Variants in DPP10 observed in about 807,000 individuals in gnomAD.
DPP10 encodes inactive dipeptidyl peptidase 10.
Under a neutral mutation model 120.9 loss-of-function variants are expected in DPP10, and 33 were observed. That is an observed-to-expected ratio of 0.27 (90% CI 0.21 to 0.37). DPP10 has a LOEUF of 0.37. Among genes scored for constraint, DPP10 ranks in the 10% least tolerant of loss-of-function variants. DPP10 has a pLI of 1.00. For synonymous variants in DPP10, 337 were observed against 326.1 expected, an observed-to-expected ratio of 1.03 and a Z score of -0.36; for missense variants, 816 against 942.8, an observed-to-expected ratio of 0.87 and a Z score of 1.76.
chr2:114,958,033 G>T (rs1384781493), intron 1 of DPP10, among the ~76,000 whole-genome samples: 1 of 152,156 alleles, frequency 6.6e-6, no homozygotes. Flanking sequence ...GTTTAATTGA[G>T]CAATGAACAG....
chr2:115,599,007 C>T (rs549412385), intron 5 of DPP10, among the ~76,000 whole-genome samples: 1 of 151,640 alleles, frequency 6.6e-6, no homozygotes, highest in Non-Finnish European at 1.5e-5. Flanking sequence ...CTTCCCTGCT[C>T]TCTTTTGTTC....
intron 2 of DPP10, 124 bp from the exon 3 acceptor site, chr2:115,343,693 A>G: frequency 2.1e-6 from 1 of 487,612 alleles, no homozygotes; most frequent in Non-Finnish European, 3.6e-6. Flanking sequence ...CCATGTCAAA[A>G]TGGTCACTTT....
Position 115,762,600 on chromosome 2 carries a change from T to C in DPP10, c.1103T>C (p.Leu368Pro). 8 of 1,613,498 alleles carry C rather than the reference T, an allele frequency of 5.0e-6. No individual in the cohort carries two copies. Among genetic ancestry groups the C allele is most frequent in the Non-Finnish European group, 6.8e-6 (8 of 1,179,880 alleles). ...TATGAGATGACATCAGATACGTGGC[T>C]CTCTCAGCAGGTACAGTATAGGTGG... ...KKYEMTSDTW[L>P]SQQNEEPVFS... The change falls in exon 12 of 26, where the codon CTC (leucine) becomes CCC (proline). Residue 368 changes from leucine (L) to proline (P), a missense_variant. Leu to Pro is a moderately conservative substitution (Grantham distance 98). This residue lies in a region of DPP10 where 592 missense variants were observed against 649.0 expected (regional missense o/e 0.91). Transcript: ENST00000410059.
intron 8 of DPP10, among the ~76,000 whole-genome samples, chr2:115,733,317 C>T (rs1289012607): frequency 6.6e-6 from 1 of 152,124 alleles, no homozygotes; most frequent in Non-Finnish European, 1.5e-5. Flanking sequence ...TTATTGAGCA[C>T]TTGCTCAGTG....
intron 1 of DPP10, among the ~76,000 whole-genome samples, chr2:114,857,883 C>T (rs550950672): frequency 6.6e-6 from 1 of 152,272 alleles, no homozygotes; most frequent in Middle Eastern, 3.4e-3. Context: ...GTTGATAGCA[C>T]ATTTCTGAGT....
At chr2:115,449,674 G>T (rs758232485) in intron 3 of DPP10, among the ~76,000 whole-genome samples, 2 of 152,024 alleles carry the variant, frequency 1.3e-5, no homozygotes, top group African/African-American at 4.8e-5. Context: ...GCTTGACGGA[G>T]ACTTTGATTG....
intron 15 of DPP10, among the ~76,000 whole-genome samples, chr2:115,778,773 A>G (rs776619280): frequency 1.2e-4 from 18 of 152,198 alleles, no homozygotes; most frequent in Admixed American, 3.3e-4. Context: ...ATTTGCTTTC[A>G]TCAGAAGCAA....
chr2:115,316,684 A>G (rs1286699864), intron 2 of DPP10, among the ~76,000 whole-genome samples: 1 of 152,194 alleles, frequency 6.6e-6, no homozygotes, highest in African/African-American at 2.4e-5. Context: ...GTGTGTCATT[A>G]TACAACTTTA....
At chr2:115,414,924 C>CA (rs2069255340) in intron 3 of DPP10, among the ~76,000 whole-genome samples, 1 of 152,134 alleles carries the variant, frequency 6.6e-6, no homozygotes, top group African/African-American at 2.4e-5. Context: ...CCCAATATCT[C>CA]AATTTCCACG....
intron 5 of DPP10, among the ~76,000 whole-genome samples, chr2:115,601,739 C>T (rs968034142): frequency 1.3e-5 from 2 of 152,002 alleles, no homozygotes; most frequent in African/African-American, 4.8e-5. Flanking sequence ...AGTGGCACGA[C>T]CTCAGCTCAC....
intron 1 of DPP10, among the ~76,000 whole-genome samples, chr2:114,943,359 T>C (rs188958161): frequency 3.9e-5 from 6 of 152,258 alleles, no homozygotes; most frequent in Admixed American, 3.9e-4. Context: ...CTACAACCTC[T>C]GCCTCCCAGG....
chr2:114,941,858 C>A (rs67529020), intron 1 of DPP10, among the ~76,000 whole-genome samples: 3 of 151,746 alleles, frequency 2.0e-5, no homozygotes, highest in Admixed American at 6.6e-5. Flanking sequence ...AACATGAGGA[C>A]GTGGTAAAAT....
intron 1 of DPP10, among the ~76,000 whole-genome samples, chr2:114,637,195 A>T (rs1427262436): frequency 6.6e-6 from 1 of 151,972 alleles, no homozygotes; most frequent in Non-Finnish European, 1.5e-5. Flanking sequence ...TTGGAATAAA[A>T]CGTTAACACA....
At chr2:114,731,157 C>T (rs553806668) in intron 1 of DPP10, among the ~76,000 whole-genome samples, 32 of 151,788 alleles carry the variant, frequency 2.1e-4, no homozygotes, top group Non-Finnish European at 2.9e-4. Context: ...TACTCCTGGA[C>T]GGTATGTACT....
intron 1 of DPP10, among the ~76,000 whole-genome samples, chr2:115,236,034 G>A (rs1263813420): frequency 6.6e-6 from 1 of 152,078 alleles, no homozygotes; most frequent in Non-Finnish European, 1.5e-5. Context: ...AGGAGTGCAA[G>A]AAACAGACAA....
intron 16 of DPP10, among the ~76,000 whole-genome samples, chr2:115,781,928 A>G (rs1682807085): frequency 6.6e-6 from 1 of 152,012 alleles, no homozygotes; most frequent in Non-Finnish European, 1.5e-5. Context: ...TTATGGATGA[A>G]CTATTTCCAA....
chr2:115,331,688 T>C (rs1262414459), intron 2 of DPP10, among the ~76,000 whole-genome samples: 1 of 152,156 alleles, frequency 6.6e-6, no homozygotes, highest in Admixed American at 6.6e-5. Context: ...AATCATATGG[T>C]TTTTGTCTTT....
At chr2:115,351,445 G>A (rs1159205667) in intron 3 of DPP10, among the ~76,000 whole-genome samples, 3 of 151,874 alleles carry the variant, frequency 2.0e-5, no homozygotes, top group Non-Finnish European at 4.4e-5. Flanking sequence ...TGGGTAACTG[G>A]GATCAATGAA....
chr2:115,677,902 T>G (rs1032219449), intron 5 of DPP10, among the ~76,000 whole-genome samples: 1 of 152,206 alleles, frequency 6.6e-6, no homozygotes, highest in Non-Finnish European at 1.5e-5. Flanking sequence ...TAAACTGCAC[T>G]TAACACCAAA....
Sources: allele counts gnomAD v4.1 joint callset (sites outside exome capture counted in the v4.1 genomes callset), GRCh38; gene constraint gnomAD v4.1.1; regional missense constraint gnomAD v4.1.1; transcripts MANE v1.5; gene names NCBI Gene and HGNC (gene_info 2026-07-23, HGNC 2026-07-21).